The following MEF2D variants were observed in gnomAD, a reference collection of about 807,000 sequenced individuals.
MEF2D encodes myocyte-specific enhancer factor 2D.
Under a neutral mutation model 59.3 loss-of-function variants are expected in MEF2D, and 10 were observed. The observed-to-expected ratio is 0.17, with a 90% CI of 0.10 to 0.29. MEF2D has a LOEUF of 0.29. Ranked by LOEUF, MEF2D falls within the 10% of genes least tolerant of loss-of-function variation. MEF2D has a pLI of 1.00. For synonymous variants in MEF2D, 305 were observed against 295.0 expected, an observed-to-expected ratio of 1.03 and a Z score of -0.35; for missense variants, 508 against 699.4, an observed-to-expected ratio of 0.73 and a Z score of 3.09.
chr1:156,465,182 G>A lies in MEF2D; in HGVS notation c.*2463C>T, dbSNP rs1276852765. On this transcript the variant is annotated 3_prime_UTR_variant, in exon 12 of 12. Coordinates refer to ENST00000348159, the MANE Select transcript of MEF2D (RefSeq NM_005920.4). ...CCCAGTCAGCGGATTGGGGTTAAGA[G>A]TGAGTAAGTGATCACTGCTCAGCTG... 6.6e-6 allele frequency: 1 copy of A among 152,360 alleles called. No individual in the cohort carries two copies. The highest frequency in any genetic ancestry group is 1.5e-5 in the Non-Finnish European group (1 of 68,116). 9.4% of individuals were successfully genotyped at this position (152,360 alleles called of 1,614,324 possible). A position where few individuals can be genotyped will look rare whatever the true frequency, so the allele number is the denominator to read the frequency against.
intron 9 of MEF2D, among the ~76,000 whole-genome samples, chr1:156,472,084 G>C (rs1192447651): frequency 2.0e-5 from 3 of 152,216 alleles, no homozygotes; most frequent in African/African-American, 7.2e-5. Context: ...GGCCCAACAA[G>C]ATGGCAGAAA....
At position 156,468,858 on chromosome 1, in the gene MEF2D, T is replaced by C; in HGVS notation, c.1169A>G (p.Gln390Arg). The C allele has an allele frequency of 6.2e-7, 1 of 1,608,238 alleles. No individual in the cohort carries two copies. The highest frequency in any genetic ancestry group is 8.5e-7 in the Non-Finnish European group (1 of 1,174,528). Residue 390 changes from glutamine to arginine, a missense_variant, in exon 10 of 12, where the codon CAG (glutamine) becomes CGG (arginine). Gln to Arg is a conservative substitution (Grantham distance 43, BLOSUM62 1). Transcript: ENST00000348159. The surrounding 1 kb of genome is among the most constrained non-coding windows in gnomAD (Gnocchi z 4.3). The stretch of plus-strand genomic sequence containing the variant: ...TTGCGGCTGCTGAGGCTGCTGTGGC[T>C]GTGGCTGCTGTGGCTGCGGTGGCTG... ...QQQPPQPQQP[Q>R]PQQPQQPQQP...
chr1:156,490,711 C>A (rs116787394), intron 1 of MEF2D: 1 of 152,282 alleles, frequency 6.6e-6, no homozygotes. Flanking sequence ...GAGCCCTCCC[C>A]CTAGCTTCCG....
chr1:156,477,167 G>T lies in MEF2D; in HGVS notation c.700C>A (p.Leu234Ile). 6.2e-7 allele frequency: 1 copy of T among 1,612,732 alleles called. No homozygotes were observed. The highest frequency in any genetic ancestry group is 8.5e-7 in the Non-Finnish European group (1 of 1,179,166). Residue 234 changes from leucine to isoleucine, a missense_variant, in exon 7 of 12, where the codon CTC (leucine) becomes ATC (isoleucine). Leu to Ile is a conservative substitution (Grantham distance 5). Coordinates refer to ENST00000348159, the MANE Select transcript of MEF2D (RefSeq NM_005920.4). ...GYVSARASPG[L>I]LPVANGNSLN... ...CTGTTGCCATTGGCCACAGGGAGGAGGCCAGGGGAAGCCCGAGCACTGACG... is the reference window on the plus strand; with the variant it reads ...CTGTTGCCATTGGCCACAGGGAGGATGCCAGGGGAAGCCCGAGCACTGACG...
At chr1:156,492,087 TG>T (rs1672836774) in intron 1 of MEF2D, among the ~76,000 whole-genome samples, 1 of 152,208 alleles carries the variant, frequency 6.6e-6, no homozygotes, top group Non-Finnish European at 1.5e-5. Flanking sequence ...TACAGGAGTT[TG>T]GTAAGATTCA....
intron 1 of MEF2D, among the ~76,000 whole-genome samples, chr1:156,498,854 A>G (rs938869042): frequency 6.6e-6 from 1 of 152,106 alleles, no homozygotes; most frequent in Non-Finnish European, 1.5e-5. Flanking sequence ...CACTCCCACA[A>G]TAGTCCTACC....
intron 1 of MEF2D, among the ~76,000 whole-genome samples, chr1:156,496,646 A>C (rs973536025): frequency 6.6e-6 from 1 of 151,950 alleles, no homozygotes; most frequent in Admixed American, 6.6e-5. Context: ...ACCCCATCCC[A>C]ACTCTCCAAT....
rs1293653875 is a variant in MEF2D at position 156,500,766 on chromosome 1, A to G, written c.-419T>C. ...GCTTCCTTCCTCCTTTCGGGCTCCA[A>G]AGGTAACTCCTCCAGCCCCCGGGAG... On this transcript the variant is annotated 5_prime_UTR_variant, in exon 1 of 12. Coordinates refer to ENST00000348159, the MANE Select transcript of MEF2D (RefSeq NM_005920.4). 6.6e-6 allele frequency: 1 copy of G among 151,972 alleles called. No homozygotes were observed. Among genetic ancestry groups the G allele is most frequent in the African/African-American group, 2.4e-5 (1 of 41,366 alleles). 9.4% of individuals were successfully genotyped at this position (151,972 alleles called of 1,614,324 possible).
intron 5 of MEF2D, 33 bp from the exon 6 acceptor site, chr1:156,479,379 AAC>A: frequency 6.2e-7 from 1 of 1,605,566 alleles, no homozygotes; most frequent in Non-Finnish European, 8.5e-7. Context: ...ATGAGCTGAC[AAC>A]ACTCCCGCTT....
At position 156,468,142 on chromosome 1, in the gene MEF2D, C is replaced by A. The variant is rs770103690; in HGVS notation, c.1405G>T (p.Gly469Cys). 6.2e-7 allele frequency: 1 copy of A among 1,613,976 alleles called. No homozygotes were observed. The highest frequency in any genetic ancestry group is 8.5e-7 in the Non-Finnish European group (1 of 1,179,880). ...FPAARPEPGDGLSSPAGGSYE... is the reference protein window; with the variant it reads ...FPAARPEPGDCLSSPAGGSYE... ...GATCCCCCGGCTGGGCTGCTGAGAC[C>A]ATCGCCAGGCTCAGGGCGGGCAGCT... The change falls in exon 11 of 12, where the codon GGT becomes TGT. Residue 469 changes from glycine to cysteine, a missense_variant. Transcript: ENST00000348159. The surrounding 1 kb of genome is among the most constrained non-coding windows in gnomAD (Gnocchi z 4.3).
At position 156,479,745 on chromosome 1, in the gene MEF2D, T is replaced by G; in HGVS notation, c.448A>C (p.Asn150His). 1 of 1,551,686 alleles carries G rather than the reference T, an allele frequency of 6.4e-7. No homozygotes were observed. Among genetic ancestry groups the G allele is most frequent in the Non-Finnish European group, 8.7e-7 (1 of 1,146,970 alleles). ...FAMPVTVPVSNQSSLQFSNPS... is the reference protein window; with the variant it reads ...FAMPVTVPVSHQSSLQFSNPS... ...TTGCTGAACTGCAGTGAGCTCTGAT[T>G]GGACACGGGCACCGTGACAGGCATG... The change falls in exon 5 of 12, where the codon AAT (asparagine) becomes CAT (histidine). Residue 150 changes from asparagine to histidine, a missense_variant. Physicochemically the swap from Asn to His is moderately conservative, Grantham distance 68. Around this residue, in one of 2 missense-constraint regions of MEF2D, gnomAD observed 481 missense variants for 584.7 expected, o/e 0.82. Transcript: ENST00000348159.
At chr1:156,491,458 AG>A (rs1401112589) in intron 1 of MEF2D, among the ~76,000 whole-genome samples, 5 of 152,358 alleles carry the variant, frequency 3.3e-5, no homozygotes, top group Middle Eastern at 3.4e-3. Context: ...TGAGGGCGCT[AG>A]AAGACAGTCA....
chr1:156,472,360 C>G (rs1051486907), intron 9 of MEF2D, among the ~76,000 whole-genome samples: 1 of 152,196 alleles, frequency 6.6e-6, no homozygotes. Context: ...GCCAGGACAT[C>G]GTAGCCTGGG....
intron 1 of MEF2D, among the ~76,000 whole-genome samples, chr1:156,488,782 C>A (rs1442156231): frequency 6.6e-6 from 1 of 152,246 alleles, no homozygotes; most frequent in Middle Eastern, 3.4e-3. Flanking sequence ...GTGGGGAGAG[C>A]GGTGAAGGGG....
chr1:156,493,650 G>T (rs746920615), intron 1 of MEF2D, among the ~76,000 whole-genome samples: 4 of 152,136 alleles, frequency 2.6e-5, no homozygotes, highest in Non-Finnish European at 1.5e-5. Context: ...CCAATACCTG[G>T]CTTCTCACCC....
intron 9 of MEF2D, among the ~76,000 whole-genome samples, chr1:156,472,938 CTGA>C (rs1000185490): frequency 6.6e-6 from 1 of 151,442 alleles, no homozygotes; most frequent in African/African-American, 2.4e-5. Flanking sequence ...TCTCGATCTC[CTGA>C]CCTCGTGATC....
chr1:156,482,917 T>A (rs755517836), intron 2 of MEF2D, among the ~76,000 whole-genome samples: 1 of 151,964 alleles, frequency 6.6e-6, no homozygotes, highest in Non-Finnish European at 1.5e-5. Flanking sequence ...TATGAAGAGG[T>A]CAGTGGAGAA....
intron 3 of MEF2D, 99 bp downstream of exon 3, chr1:156,482,338 G>A: frequency 8.2e-7 from 1 of 1,220,452 alleles, no homozygotes; most frequent in Admixed American, 1.8e-5. Flanking sequence ...GTATACCAGT[G>A]TGTGTGCATA....
chr1:156,486,653 G>A (rs1423777881), intron 1 of MEF2D, among the ~76,000 whole-genome samples: 1 of 152,138 alleles, frequency 6.6e-6, no homozygotes, highest in Non-Finnish European at 1.5e-5. Context: ...ATGACCCTCA[G>A]AAAAGTCATT....
Sources: gnomAD v4.1 joint callset for allele counts (sites outside exome capture counted in the v4.1 genomes callset) on GRCh38, gnomAD v4.1.1 for gene constraint, gnomAD v4.1.1 regional missense constraint, Gnocchi (gnomAD v3.1) non-coding constraint, MANE v1.5 for transcripts, NCBI Gene and HGNC (gene_info 2026-07-23, HGNC 2026-07-21) for gene names.